The following MYH9 variants were observed in gnomAD, a reference collection of about 807,000 sequenced individuals.
The protein encoded by MYH9 is myosin-9.
In MYH9, 29 loss-of-function variants were observed where a neutral mutation model predicts 241.9. That is an observed-to-expected ratio of 0.12 (90% CI 0.09 to 0.16). MYH9 has a LOEUF of 0.16. Among genes scored for constraint, MYH9 ranks in the 10% least tolerant of loss-of-function variants. MYH9 has a pLI of 1.00. For missense variants in MYH9, 1,803 were observed against 2,595.5 expected (o/e 0.69, Z 6.63); for synonymous variants, 1,047 against 1,062.6 (o/e 0.99, Z 0.29).
In MYH9 at chr22:36,306,677, G is replaced by T; in HGVS notation, c.1844-70C>A. On this transcript the variant is annotated intron_variant, in intron 15 of 40. Transcript: ENST00000216181. The surrounding 1 kb of genome is among the most constrained non-coding windows in gnomAD (Gnocchi z 4.1). Reference sequence around the variant, plus strand: ...CTGGGTGGTGGGGGAGCACGTAGGAGAGAGAGACAGGCACACGTCGGACAG... The same window carrying T: ...CTGGGTGGTGGGGGAGCACGTAGGATAGAGAGACAGGCACACGTCGGACAG... 2 of 1,441,166 alleles carry T rather than the reference G, an allele frequency of 1.4e-6. No homozygotes were observed. Among genetic ancestry groups the T allele is most frequent in the South Asian group, 1.2e-5 (1 of 84,806 alleles). The allele number at this position is 1,441,166 out of a possible 1,614,324, so 89.3% of individuals were successfully genotyped here.
intron 2 of MYH9, among the ~76,000 whole-genome samples, chr22:36,345,189 G>A (rs2017657857): frequency 6.6e-6 from 1 of 152,030 alleles, no homozygotes. Flanking sequence ...GTGGGTGCCT[G>A]TAGTCCCAGC....
intron 3 of MYH9, among the ~76,000 whole-genome samples, chr22:36,334,481 C>A (rs1341096330): frequency 6.6e-6 from 1 of 152,232 alleles, no homozygotes; most frequent in Non-Finnish European, 1.5e-5. Context: ...TCTGCGTGGA[C>A]CAGACCAGAT....
rs190075113 is a variant in MYH9, at chr22:36,332,426, A to G, written c.491-4938T>C. Among the ~76,000 whole-genome samples the G allele has an allele frequency of 6.2e-4, 95 of 152,272 alleles. 1 individual carries two copies. The East Asian group carries it at 0.014, about 22-fold the overall frequency. ...AGCCCCTTCCGTCGCTCCCAGGCAC[A>G]CAATGTGGTCATGGGCGAGTGTGCC... On this transcript the variant is annotated intron_variant, in intron 3 of 40. Coordinates refer to ENST00000216181, the MANE Select transcript of MYH9 (RefSeq NM_002473.6).
intron 4 of MYH9, 150 bp from the exon 5 acceptor site, chr22:36,326,811 G>C: frequency 1.4e-6 from 1 of 726,056 alleles, no homozygotes; most frequent in South Asian, 1.5e-5. Context: ...CCACATAAAC[G>C]CTCTGGAATC....
intron 1 of MYH9, among the ~76,000 whole-genome samples, chr22:36,376,023 G>A (rs62228866): frequency 0.024 from 2,966 of 121,712 alleles, 57 homozygotes; most frequent in Non-Finnish European, 0.035. Flanking sequence ...GTGCAGTGAT[G>A]AAATCTCAGC....
rs529468704 is a variant in MYH9, at chr22:36,363,262, T to C, written c.-19-14007A>G. 2.0e-5 allele frequency among the ~76,000 whole-genome samples: 3 copies of C among 152,360 alleles called. No homozygotes were observed. The East Asian group carries it at 5.8e-4, about 29-fold the overall frequency. On this transcript the variant is annotated intron_variant, in intron 1 of 40. Transcript: ENST00000216181. Reference sequence around the variant, plus strand: ...CAGAACCATGGCTTCATTGCCTGTGTCCTCTGCTGTCTCTTAGAACTCTCT... The same window carrying C: ...CAGAACCATGGCTTCATTGCCTGTGCCCTCTGCTGTCTCTTAGAACTCTCT...
intron 5 of MYH9, among the ~76,000 whole-genome samples, chr22:36,326,140 G>A (rs544900630): frequency 2.7e-4 from 41 of 152,262 alleles, no homozygotes; most frequent in Admixed American, 9.8e-4. Flanking sequence ...GGGGGTGGGT[G>A]GCTGTCCACC....
In MYH9 at chr22:36,309,404, G is replaced by A. The variant is rs749332584; in HGVS notation, c.1729-8C>T. ...GTCAGCTTTGTAATCCACCTGGCGG[G>A]GTCAGAGAGGCAGGAGTCACAAGCT... On this transcript the variant is annotated splice_region_variant and splice_polypyrimidine_tract_variant and intron_variant, in intron 14 of 40. Coordinates refer to ENST00000216181, the MANE Select transcript of MYH9 (RefSeq NM_002473.6). 1.1e-5 allele frequency: 17 copies of A among 1,609,756 alleles called. No individual in the cohort carries two copies. In the South Asian group the frequency reaches 1.4e-4, roughly 14 times the overall value.
chr22:36,298,926 G>A lies in MYH9; in HGVS notation c.3093C>T (p.Asp1031=). 1.2e-6 allele frequency: 2 copies of A among 1,613,962 alleles called. No individual in the cohort carries two copies. The highest frequency in any genetic ancestry group is 1.7e-6 in the Non-Finnish European group (2 of 1,179,968). ...LKNKHEAMIT[D]LEERLRREEK... ...TGCTCGTCACCCCCTCACCTTCCAA[G>A]TCAGTGATCATTGCCTCATGCTTGT... is the stretch of plus-strand genomic sequence containing the variant. Residue 1031 remains aspartate (D), a synonymous_variant, in exon 24 of 41, where the codon GAC becomes GAT. Coordinates refer to ENST00000216181, the MANE Select transcript of MYH9 (RefSeq NM_002473.6).
At chr22:36,376,096 G>A (rs1446573099) in intron 1 of MYH9, among the ~76,000 whole-genome samples, 1 of 150,952 alleles carries the variant, frequency 6.6e-6, no homozygotes, top group African/African-American at 2.4e-5. Flanking sequence ...CCAGTAGCAG[G>A]GATTACTGGC....
At position 36,318,242 on chromosome 22, in the gene MYH9, G is replaced by A; in HGVS notation, c.1192C>T (p.Arg398Trp). Reference protein sequence around the residue: ...GILTPRIKVGRDYVQKAQTKE... With the variant: ...GILTPRIKVGWDYVQKAQTKE... ...GTCTGCGCCTTCTGGACGTAATCCC[G>A]TCCCACCTTGATGCGCGGGGTGAGG... Residue 398 changes from arginine to tryptophan, a missense_variant, in exon 11 of 41, where the codon CGG becomes TGG. Transcript: ENST00000216181. The A allele has an allele frequency of 6.2e-7, 1 of 1,613,764 alleles. No individual in the cohort carries two copies.
chr22:36,310,303 A>G (rs1181068942), intron 14 of MYH9, among the ~76,000 whole-genome samples: 2 of 150,658 alleles, frequency 1.3e-5, no homozygotes, highest in African/African-American at 4.9e-5. Context: ...ATAGGGTCTC[A>G]CTATGTTGCC....
Position 36,312,205 on chromosome 22 carries a change from A to G in MYH9, c.1572T>C (p.Ile524=). 6.2e-7 allele frequency: 1 copy of G among 1,614,118 alleles called. No homozygotes were observed. The highest frequency in any genetic ancestry group is 1.1e-5 in the South Asian group (1 of 91,074). ...LIEKPAGPPG[I]LALLDEECWF... ...AGCACTCCTCGTCCAGCAGGGCCAG[A>G]ATGCCCGGGGGGCCTGCCTGGAGGA... Residue 524 remains isoleucine, a synonymous_variant, in exon 14 of 41, where the codon ATT becomes ATC. Transcript: ENST00000216181.
intron 1 of MYH9, among the ~76,000 whole-genome samples, chr22:36,385,170 T>TC (rs1240703450): frequency 1.9e-4 from 29 of 151,214 alleles, no homozygotes. Context: ...GTTTTTTTTT[T>TC]TCTCTCTCTC....
intron 14 of MYH9, 137 bp downstream of exon 14, chr22:36,311,912 G>T: frequency 1.0e-6 from 1 of 969,478 alleles, no homozygotes. Context: ...ACATTACTGG[G>T]TGAGTCATTG....
rs747072243 is a variant in MYH9, at chr22:36,322,540, C to T, written c.613-19G>A. ...GCTCGCCCTGCAAGGAACCCAGGGACGCAGTGAAGGCCGGGCAGCGACCTG... is the reference window on the plus strand; with the variant it reads ...GCTCGCCCTGCAAGGAACCCAGGGATGCAGTGAAGGCCGGGCAGCGACCTG... On this transcript the variant is annotated intron_variant, in intron 5 of 40. Transcript: ENST00000216181. The T allele has an allele frequency of 1.2e-5, 19 of 1,612,850 alleles. No homozygotes were observed. Among genetic ancestry groups the T allele is most frequent in the African/African-American group, 4.0e-5 (3 of 74,928 alleles).
chr22:36,282,771 G>A lies in MYH9; in HGVS notation c.5780C>T (p.Pro1927Leu), dbSNP rs772986357. 11 of 1,611,488 alleles carry A rather than the reference G, an allele frequency of 6.8e-6. No homozygotes were observed. Among genetic ancestry groups the A allele is most frequent in the African/African-American group, 1.3e-5 (1 of 74,650 alleles). ...LKNKLRRGDLPFVVPRRMARK... is the reference protein window; with the variant it reads ...LKNKLRRGDLLFVVPRRMARK... ...GGCCATTCGGCGGGGCACGACAAACGGCAGGTCCCCGCGCCTGGGGGCAGA... is the reference window on the plus strand; with the variant it reads ...GGCCATTCGGCGGGGCACGACAAACAGCAGGTCCCCGCGCCTGGGGGCAGA... The change falls in exon 41 of 41, where the codon CCG becomes CTG. Residue 1927 changes from proline (P) to leucine (L), a missense_variant. Coordinates refer to ENST00000216181, the MANE Select transcript of MYH9 (RefSeq NM_002473.6).
chr22:36,375,211 G>C (rs2294358), intron 1 of MYH9, among the ~76,000 whole-genome samples: 6,271 of 151,308 alleles, frequency 0.041, 184 homozygotes, highest in East Asian at 0.1. Context: ...CTGATGTCAA[G>C]AGCTCACTAG....
Position 36,320,332 on chromosome 22 carries a change from G to A in MYH9, c.900C>T (p.Tyr300=), listed in dbSNP as rs1400262202. The A allele has an allele frequency of 6.2e-7, 1 of 1,614,110 alleles. No homozygotes were observed. The change falls in exon 9 of 41, where the codon TAC becomes TAT. Residue 300 remains tyrosine (Y), a synonymous_variant. Transcript: ENST00000216181. This position sits in a 1 kb window ranked among gnomAD's most constrained non-coding sequence, Gnocchi z 4.8. ...TDLLLEPYNK[Y]RFLSNGHVTI... is the part of the protein sequence containing the mutation. The stretch of plus-strand genomic sequence containing the variant: ...TGACGTGTCCATTGGACAGGAAGCG[G>A]TATTTGTTGTACGGCTCCAACAGGA...
Sources: allele counts gnomAD v4.1 joint callset (sites outside exome capture counted in the v4.1 genomes callset), GRCh38; gene constraint gnomAD v4.1.1; non-coding constraint Gnocchi (gnomAD v3.1); transcripts MANE v1.5; gene names NCBI Gene and HGNC (gene_info 2026-07-23, HGNC 2026-07-21).